Variants in KIF14 observed in about 807,000 individuals in gnomAD.
KIF14 encodes the protein kinesin family member 14.
Under a neutral mutation model 176.2 loss-of-function variants are expected in KIF14, and 98 were observed. The observed-to-expected ratio is 0.56, with a 90% CI of 0.47 to 0.66. The LOEUF (loss-of-function observed/expected upper bound fraction) is 0.66. KIF14 is among the 30% of genes least tolerant of loss of function. KIF14 has a pLI of 0.00. For synonymous variants in KIF14, 566 were observed against 632.2 expected (o/e 0.90, Z 1.57); for missense variants, 1,751 against 1,920.4 (o/e 0.91, Z 1.65).
In KIF14 at chr1:200,565,514, T is replaced by C. The variant is rs775307104; in HGVS notation, c.3817A>G (p.Lys1273Glu). 6.2e-7 allele frequency: 1 copy of C among 1,610,370 alleles called. No individual in the cohort carries two copies. The highest frequency in any genetic ancestry group is 8.5e-7 in the Non-Finnish European group (1 of 1,179,136). Residue 1273 changes from lysine to glutamate, a missense_variant, in exon 24 of 30, where the codon AAA becomes GAA. Physicochemically the swap from Lys to Glu is moderately conservative, Grantham distance 56. Coordinates refer to ENST00000367350, the MANE Select transcript of KIF14 (RefSeq NM_014875.3). ...ATGGCAAATAGCCCATTATAAATTT[T>C]AAGAAAACTATTAATTAGGCTGTCT... ...IADSLINSFLKIYNGLFAISK... is the reference protein window; with the variant it reads ...IADSLINSFLEIYNGLFAISK...
At chr1:200,618,953 C>T (rs781642297) in intron 1 of KIF14, 115 bp from the exon 2 acceptor site, 1 of 407,990 alleles carries the variant, frequency 2.5e-6, no homozygotes, top group South Asian at 4.8e-5. Context: ...CAATAGATCA[C>T]AATCTGCAGC....
intron 9 of KIF14, 68 bp from the exon 10 acceptor site, chr1:200,603,409 A>G (rs1659722085): frequency 2.6e-6 from 2 of 762,900 alleles, no homozygotes; most frequent in Middle Eastern, 2.5e-4. Flanking sequence ...TTCACAAAAT[A>G]TATTTCTCCC....
At chr1:200,617,023 A>G (rs1006124466) in intron 2 of KIF14, among the ~76,000 whole-genome samples, 3 of 152,150 alleles carry the variant, frequency 2.0e-5, no homozygotes, top group Admixed American at 2.0e-4. Context: ...GCTGGAGTGC[A>G]GTGGCCTGAT....
Position 200,589,104 on chromosome 1 carries a change from T to C in KIF14, c.3114+113A>G. 6.5e-6 allele frequency: 5 copies of C among 769,866 alleles called. No individual in the cohort carries two copies. In the South Asian group the frequency reaches 7.5e-5, roughly 11 times the overall value. 47.7% of individuals were successfully genotyped at this position (769,866 alleles called of 1,614,324 possible). A position where few individuals can be genotyped will look rare whatever the true frequency, so the allele number is the denominator to read the frequency against. On this transcript the variant is annotated intron_variant, in intron 18 of 29. Coordinates refer to ENST00000367350, the MANE Select transcript of KIF14 (RefSeq NM_014875.3). ...AAGAAGTACTTTTCTCATCTACACA[T>C]CTACAAACCTGGATTTGGCTCTCTT... is the stretch of plus-strand genomic sequence containing the variant.
At chr1:200,580,498 T>G in intron 20 of KIF14, 115 bp from the exon 21 acceptor site, 1 of 463,072 alleles carries the variant, frequency 2.2e-6, no homozygotes, top group South Asian at 8.8e-5. Flanking sequence ...GATTAAGTCT[T>G]TCCACAGTTA....
chr1:200,590,680 G>A (rs1233654465), intron 16 of KIF14, among the ~76,000 whole-genome samples: 1 of 152,170 alleles, frequency 6.6e-6, no homozygotes, highest in African/African-American at 2.4e-5. Flanking sequence ...TTTCAGTTTG[G>A]AATAATAAAA....
chr1:200,617,362 A>T (rs1471515387), intron 2 of KIF14, among the ~76,000 whole-genome samples: 3 of 152,348 alleles, frequency 2.0e-5, no homozygotes, highest in South Asian at 2.1e-4. Flanking sequence ...ACTTATTCAG[A>T]CTTTTTAAAA....
At position 200,618,438 on chromosome 1, in the gene KIF14, T is replaced by C. The variant is rs750969526; in HGVS notation, c.286A>G (p.Arg96Gly). The change falls in exon 2 of 30, where the codon AGG (arginine) becomes GGG (glycine). Residue 96 changes from arginine (R) to glycine (G), a missense_variant. Physicochemically the swap from Arg to Gly is moderately radical, Grantham distance 125 (BLOSUM62 -2). Transcript: ENST00000367350. Reference sequence around the variant, plus strand: ...ACAAGCAAAGATGATTCTTTGTTCCTTGTAGTTCTCCTCTGAAGTGCCAAT... The same window carrying C: ...ACAAGCAAAGATGATTCTTTGTTCCCTGTAGTTCTCCTCTGAAGTGCCAAT... Reference protein sequence around the residue: ...GRLALQRRTTRNKESSLLVSE... With the variant: ...GRLALQRRTTGNKESSLLVSE... 7 of 1,614,096 alleles carry C rather than the reference T, an allele frequency of 4.3e-6. No homozygotes were observed. The highest frequency in any genetic ancestry group is 2.5e-6 in the Non-Finnish European group (3 of 1,180,030).
At chr1:200,577,147 TA>T (rs35554308) in intron 21 of KIF14, among the ~76,000 whole-genome samples, 64,599 of 122,278 alleles carry the variant, frequency 0.53, 14,930 homozygotes, top group East Asian at 0.66. Context: ...CCGACTCTAC[TA>T]AAAATACAAA....
intron 5 of KIF14, among the ~76,000 whole-genome samples, chr1:200,607,943 C>T (rs1659963285): frequency 6.6e-6 from 1 of 152,196 alleles, no homozygotes; most frequent in Admixed American, 6.5e-5. Context: ...TAGTGATCCA[C>T]CTGCCTTGAC....
chr1:200,568,691 C>T (rs563782719), intron 23 of KIF14, among the ~76,000 whole-genome samples: 70 of 152,242 alleles, frequency 4.6e-4, no homozygotes, highest in African/African-American at 1.7e-3. Context: ...TTACTAACTC[C>T]CAACAGAGGT....
At chr1:200,619,577 T>C (rs1388029584) in intron 1 of KIF14, among the ~76,000 whole-genome samples, 2 of 152,160 alleles carry the variant, frequency 1.3e-5, no homozygotes, top group African/African-American at 4.8e-5. Flanking sequence ...GGTCTCGATA[T>C]CTTGACCTTG....
At position 200,562,783 on chromosome 1, in the gene KIF14, G is replaced by A. The variant is rs1294941660; in HGVS notation, c.4072-1903C>T. ...CACCTGTTTGCAGTCCACCCACCCC[G>A]CCACCCCTTGTTTTAGTCATCCTAT... On this transcript the variant is annotated intron_variant, in intron 25 of 29. Coordinates refer to ENST00000367350, the MANE Select transcript of KIF14 (RefSeq NM_014875.3). Among the ~76,000 whole-genome samples the A allele has an allele frequency of 8.6e-5, 12 of 140,226 alleles. No homozygotes were observed. The South Asian group carries it at 1.9e-3, about 22-fold the overall frequency. The allele number at this position is 140,226 out of a possible 152,430, so 92.0% of individuals were successfully genotyped here.
chr1:200,573,427 CTTTTT>C (rs869174532), intron 22 of KIF14, among the ~76,000 whole-genome samples: 23,944 of 77,608 alleles, frequency 0.31, 1,827 homozygotes, highest in Middle Eastern at 0.48. Context: ...GAGCTCATTT[CTTTTT>C]TTTTTTTTTT....
chr1:200,607,685 C>CA (rs1424322093), intron 5 of KIF14, among the ~76,000 whole-genome samples: 1 of 152,014 alleles, frequency 6.6e-6, no homozygotes, highest in Non-Finnish European at 1.5e-5. Context: ...CAAACATGGG[C>CA]AAGTGAAGAA....
At chr1:200,619,830 A>C (rs1660599133) in intron 1 of KIF14, among the ~76,000 whole-genome samples, 1 of 152,232 alleles carries the variant, frequency 6.6e-6, no homozygotes, top group Non-Finnish European at 1.5e-5. Flanking sequence ...AAGACAACAA[A>C]TTAGACAGAG....
chr1:200,554,383 T>G, intron 29 of KIF14, 85 bp downstream of exon 29: 1 of 896,000 alleles, frequency 1.1e-6, no homozygotes, highest in South Asian at 1.6e-5. Context: ...AGAGCGAGAC[T>G]CCATCTCAAA....
chr1:200,614,976 A>G (rs1252145494), intron 3 of KIF14, among the ~76,000 whole-genome samples: 2 of 152,088 alleles, frequency 1.3e-5, no homozygotes, highest in African/African-American at 4.8e-5. Context: ...CACTTAAGCA[A>G]TCCTCCTACC....
At chr1:200,617,028 C>T (rs1660436632) in intron 2 of KIF14, among the ~76,000 whole-genome samples, 1 of 152,110 alleles carries the variant, frequency 6.6e-6, no homozygotes, top group East Asian at 1.9e-4. Context: ...AGTGCAGTGG[C>T]CTGATGTCAG....
Sources: allele counts gnomAD v4.1 joint callset (sites outside exome capture counted in the v4.1 genomes callset), GRCh38; gene constraint gnomAD v4.1.1; transcripts MANE v1.5; gene names NCBI Gene and HGNC (gene_info 2026-07-23, HGNC 2026-07-21).